LRRC7: variants seen among roughly 807,000 people sequenced by gnomAD.
The protein encoded by LRRC7 is leucine-rich repeat-containing protein 7.
Under a neutral mutation model 175.7 loss-of-function variants are expected in LRRC7, and 23 were observed. The ratio of observed to expected loss-of-function variants is 0.13; its 90% CI spans 0.09 to 0.19. The LOEUF is 0.19. Ranked by LOEUF, LRRC7 falls within the 10% of genes least tolerant of loss-of-function variation. The pLI is 1.00. For synonymous variants in LRRC7, 685 were observed against 680.9 expected, an observed-to-expected ratio of 1.01 and a Z score of -0.09; for missense variants, 1,354 against 1,904.7, an observed-to-expected ratio of 0.71 and a Z score of 5.38.
intron 1 of LRRC7, among the ~76,000 whole-genome samples, chr1:69,587,929 C>G (rs1355031855): frequency 1.3e-5 from 2 of 152,258 alleles, no homozygotes; most frequent in African/African-American, 4.8e-5. Context: ...ATCTTTATAG[C>G]AGTGTTAGAA....
chr1:69,823,823 T>C (rs1317925788), intron 4 of LRRC7, among the ~76,000 whole-genome samples: 4 of 152,134 alleles, frequency 2.6e-5, no homozygotes, highest in Non-Finnish European at 5.9e-5. Context: ...TAATCCTCAC[T>C]ACAACTCTAT....
intron 7 of LRRC7, chr1:69,919,994 G>A (rs1447381006): frequency 1.0e-5 from 5 of 496,222 alleles, no homozygotes; most frequent in East Asian, 3.8e-5. Context: ...CAGACTGGGG[G>A]CCCTGGGGTT....
rs1666237501 is a variant in LRRC7 at position 70,122,056 on chromosome 1, A to C, written c.*169A>C. 2.0e-6 allele frequency: 1 copy of C among 502,296 alleles called. No individual in the cohort carries two copies. Among genetic ancestry groups the C allele is most frequent in the Non-Finnish European group, 3.5e-6 (1 of 284,344 alleles). The allele number at this position is 502,296 out of a possible 1,614,324, so 31.1% of individuals were successfully genotyped here. ...ATCCTTAAAAAATGTTAACTCTATA[A>C]ATATGATGTTCATGTGGTTATGTAT... On this transcript the variant is annotated 3_prime_UTR_variant, in exon 27 of 27. Coordinates refer to ENST00000651989, the MANE Select transcript of LRRC7 (RefSeq NM_001370785.2).
chr1:69,819,472 T>A lies in LRRC7; in HGVS notation c.422-6276T>A, dbSNP rs566236124. ...TTTGTAAATTTTTTAAGACTTATTTTGTGGCCTTGCATATAATCTTCCTGC... is the reference window on the plus strand; with the variant it reads ...TTTGTAAATTTTTTAAGACTTATTTAGTGGCCTTGCATATAATCTTCCTGC... On this transcript the variant is annotated intron_variant, in intron 4 of 26. Transcript: ENST00000651989. 5.3e-5 allele frequency among the ~76,000 whole-genome samples: 8 copies of A among 152,112 alleles called. No individual in the cohort carries two copies. In the South Asian group the frequency reaches 1.0e-3, roughly 20 times the overall value.
chr1:69,626,560 TTTA>T (rs1299095870), intron 1 of LRRC7, among the ~76,000 whole-genome samples: 15 of 152,048 alleles, frequency 9.9e-5, no homozygotes, highest in Non-Finnish European at 2.2e-4. Context: ...ATTTTAAAAT[TTTA>T]TTATGATTAT....
chr1:70,064,937 C>CAT (rs932576609), intron 23 of LRRC7, among the ~76,000 whole-genome samples: 34 of 151,862 alleles, frequency 2.2e-4, no homozygotes, highest in African/African-American at 7.7e-4. Flanking sequence ...GCCTTTTCTT[C>CAT]ATATTGAATT....
rs531490011 is a variant in LRRC7, at chr1:70,015,370, A to C, written c.1251-1095A>C. ...TGCTTTCGCTCATAAAATTAACTATAAAATTAATTTTTAATTACTGTAAGA... is the reference window on the plus strand; with the variant it reads ...TGCTTTCGCTCATAAAATTAACTATCAAATTAATTTTTAATTACTGTAAGA... On this transcript the variant is annotated intron_variant, in intron 13 of 26. Transcript: ENST00000651989. 2.0e-5 allele frequency among the ~76,000 whole-genome samples: 3 copies of C among 152,238 alleles called. No homozygotes were observed. In the South Asian group the frequency reaches 6.2e-4, roughly 32 times the overall value.
intron 5 of LRRC7, among the ~76,000 whole-genome samples, chr1:69,828,218 G>A (rs939813785): frequency 3.3e-5 from 5 of 152,070 alleles, no homozygotes; most frequent in African/African-American, 1.2e-4. Context: ...TGGCTATTAT[G>A]AGTAAAGCTG....
At chr1:69,980,285 C>T (rs543066406) in intron 8 of LRRC7, 94 bp from the exon 9 acceptor site, 4 of 1,085,296 alleles carry the variant, frequency 3.7e-6, no homozygotes, top group South Asian at 1.3e-5. Context: ...CAAATAAAAG[C>T]TCAAGATCCA....
chr1:69,940,786 A>G (rs1318844119), intron 8 of LRRC7, among the ~76,000 whole-genome samples: 3 of 152,166 alleles, frequency 2.0e-5, no homozygotes, highest in Non-Finnish European at 1.5e-5. Context: ...TTATATTTAA[A>G]GTAATTCAAA....
At chr1:69,756,382 T>A (rs1188786792) in intron 2 of LRRC7, among the ~76,000 whole-genome samples, 4 of 151,596 alleles carry the variant, frequency 2.6e-5, no homozygotes, top group African/African-American at 9.7e-5. Context: ...TAACAAAAAT[T>A]TAACAGAATG....
rs11473590 is a variant in LRRC7 at position 69,617,547 on chromosome 1, TAAAAAAAAA to T, written c.2+48923_2+48931del. ...GCTGAAGGTTGTTATATACTCACAG[TAAAAAAAAA>T]AAAAAAAAAAAAAAAATCAGAACTA... On this transcript the variant is annotated intron_variant, in intron 1 of 26. Coordinates refer to ENST00000651989, the MANE Select transcript of LRRC7 (RefSeq NM_001370785.2). Among the ~76,000 whole-genome samples the T allele has an allele frequency of 1.1e-4, 7 of 62,008 alleles. 1 individual carries two copies. The highest frequency in any genetic ancestry group is 4.8e-4 in the East Asian group (1 of 2,096). The allele number at this position is 62,008 out of a possible 152,430, so 40.7% of individuals were successfully genotyped here. A position where few individuals can be genotyped will look rare whatever the true frequency, so the allele number is the denominator to read the frequency against.
intron 7 of LRRC7, among the ~76,000 whole-genome samples, chr1:69,861,592 A>G (rs774869897): frequency 6.6e-6 from 1 of 152,216 alleles, no homozygotes; most frequent in Non-Finnish European, 1.5e-5. Context: ...CCTCGCAAAC[A>G]GATCTGATAA....
At position 70,129,104 on chromosome 1, in the gene LRRC7, G is replaced by A. The variant is rs571776900; in HGVS notation, c.*7217G>A. Among the ~76,000 whole-genome samples, 3 of 151,868 alleles carry A rather than the reference G, an allele frequency of 2.0e-5. No individual in the cohort carries two copies. Among genetic ancestry groups the A allele is most frequent in the Non-Finnish European group, 4.4e-5 (3 of 67,976 alleles). On this transcript the variant is annotated 3_prime_UTR_variant, in exon 27 of 27. Coordinates refer to ENST00000651989, the MANE Select transcript of LRRC7 (RefSeq NM_001370785.2). The stretch of plus-strand genomic sequence containing the variant: ...CTACTAAAAATATGAAAAATTAGCC[G>A]GGCATTGTGGCGCGCACCTGTAATC...
At chr1:69,672,416 A>T (rs1659214774) in intron 1 of LRRC7, among the ~76,000 whole-genome samples, 1 of 152,162 alleles carries the variant, frequency 6.6e-6, no homozygotes, top group Admixed American at 6.5e-5. Context: ...CTTCATAGTT[A>T]ACTGATCTGA....
intron 2 of LRRC7, among the ~76,000 whole-genome samples, chr1:69,736,082 A>C (rs960705073): frequency 6.6e-6 from 1 of 152,122 alleles, no homozygotes; most frequent in Non-Finnish European, 1.5e-5. Flanking sequence ...TTTTTTAATA[A>C]TAATTTTGAT....
intron 2 of LRRC7, among the ~76,000 whole-genome samples, chr1:69,710,324 G>A (rs1435130900): frequency 6.6e-6 from 1 of 150,402 alleles, no homozygotes; most frequent in African/African-American, 2.4e-5. Flanking sequence ...TGTCAAGACA[G>A]GTTACCCAGA....
At chr1:69,922,514 C>T (rs1646921885) in intron 7 of LRRC7, among the ~76,000 whole-genome samples, 1 of 152,136 alleles carries the variant, frequency 6.6e-6, no homozygotes, top group Non-Finnish European at 1.5e-5. Context: ...CTACTTAATA[C>T]TGGGGACAAC....
chr1:69,614,129 A>G (rs1649243918), intron 1 of LRRC7, among the ~76,000 whole-genome samples: 1 of 152,020 alleles, frequency 6.6e-6, no homozygotes, highest in African/African-American at 2.4e-5. Context: ...TTTCATGTTC[A>G]TTAAGAAATA....
Sources: allele counts gnomAD v4.1 joint callset (sites outside exome capture counted in the v4.1 genomes callset), GRCh38; gene constraint gnomAD v4.1.1; transcripts MANE v1.5; gene names NCBI Gene and HGNC (gene_info 2026-07-23, HGNC 2026-07-21).